Variants in RBFOX2 observed in about 807,000 individuals in gnomAD.
RBFOX2 encodes RNA binding fox-1 homolog 2, also known as RNA binding protein fox-1 homolog 2.
A neutral mutation model predicts 49.1 loss-of-function variants in RBFOX2; 10 were observed. The observed-to-expected ratio is 0.20, with a 90% confidence interval of 0.13 to 0.35. RBFOX2 has a LOEUF of 0.35. Among genes scored for constraint, RBFOX2 ranks in the 10% least tolerant of loss-of-function variants. The pLI is 1.00. For synonymous variants in RBFOX2, 183 were observed against 187.4 expected (o/e 0.98, Z 0.19); for missense variants, 323 against 486.9 (o/e 0.66, Z 3.17).
At chr22:35,904,102 C>G (rs1285348813) in intron 1 of RBFOX2, among the ~76,000 whole-genome samples, 3 of 152,144 alleles carry the variant, frequency 2.0e-5, no homozygotes, top group Non-Finnish European at 4.4e-5. Flanking sequence ...TTAATTCCCT[C>G]TTTCTGAAAT....
At chr22:35,940,494 G>A (rs900199313), upstream of RBFOX2, among the ~76,000 whole-genome samples, 1 of 152,176 alleles carries the variant, frequency 6.6e-6, no homozygotes, top group Non-Finnish European at 1.5e-5. Context: ...CACTGCGGGT[G>A]GGAATGTAAA....
At chr22:35,787,135 G>A (rs1220334982) in intron 2 of RBFOX2, among the ~76,000 whole-genome samples, 3 of 152,086 alleles carry the variant, frequency 2.0e-5, no homozygotes, top group Non-Finnish European at 4.4e-5. Flanking sequence ...CACCTTCTGG[G>A]TTCAACTGAT....
chr22:35,807,274 G>C (rs1950928437), intron 2 of RBFOX2, among the ~76,000 whole-genome samples: 1 of 152,074 alleles, frequency 6.6e-6, no homozygotes, highest in Non-Finnish European at 1.5e-5. Context: ...CCAAGAAATA[G>C]TAAAAGAGAC....
At chr22:35,828,765 C>T (rs918763678) in intron 1 of RBFOX2, among the ~76,000 whole-genome samples, 1 of 152,046 alleles carries the variant, frequency 6.6e-6, no homozygotes, top group Non-Finnish European at 1.5e-5. Flanking sequence ...AAAAACAAGA[C>T]CTGAGGTCGG....
chr22:35,750,816 T>G (rs1934626220), intron 9 of RBFOX2, among the ~76,000 whole-genome samples: 1 of 152,248 alleles, frequency 6.6e-6, no homozygotes, highest in Non-Finnish European at 1.5e-5. Flanking sequence ...CTAAAATATT[T>G]CCTGTGTTTA....
intron 5 of RBFOX2, among the ~76,000 whole-genome samples, chr22:35,765,740 T>C (rs1214370097): frequency 1.3e-5 from 2 of 152,092 alleles, no homozygotes; most frequent in African/African-American, 2.4e-5. Flanking sequence ...ATTTGCAAGA[T>C]CTTTGGACAT....
intron 1 of RBFOX2, among the ~76,000 whole-genome samples, chr22:35,980,385 G>A (rs1428609017): frequency 6.6e-6 from 1 of 152,158 alleles, no homozygotes; most frequent in Non-Finnish European, 1.5e-5. Context: ...TGGTTGTGGT[G>A]AGATTAGAAC....
intron 1 of RBFOX2, among the ~76,000 whole-genome samples, chr22:35,936,112 T>G (rs562543327): frequency 6.6e-6 from 1 of 151,682 alleles, no homozygotes; most frequent in Non-Finnish European, 1.5e-5. Flanking sequence ...CTCAGGAGGC[T>G]GAGGTGGGAG....
chr22:35,880,977 T>C (rs2045804961), intron 1 of RBFOX2, among the ~76,000 whole-genome samples: 1 of 152,098 alleles, frequency 6.6e-6, no homozygotes, highest in Non-Finnish European at 1.5e-5. Flanking sequence ...TGCATGAAAC[T>C]TTGACAGCTG....
At chr22:35,957,443 T>A (rs1343217766) in intron 1 of RBFOX2, among the ~76,000 whole-genome samples, 1 of 152,186 alleles carries the variant, frequency 6.6e-6, no homozygotes, top group Non-Finnish European at 1.5e-5. Context: ...ACTTGCACCC[T>A]CCTTACCTTG....
chr22:35,825,609 C>T (rs1219724258), intron 1 of RBFOX2, among the ~76,000 whole-genome samples: 2 of 152,108 alleles, frequency 1.3e-5, no homozygotes, highest in African/African-American at 2.4e-5. Flanking sequence ...AGATGAGTAA[C>T]TTAAGCTCTC....
intron 1 of RBFOX2, among the ~76,000 whole-genome samples, chr22:35,851,951 A>T (rs966209284): frequency 7.2e-5 from 11 of 152,096 alleles, no homozygotes; most frequent in African/African-American, 2.7e-4. Context: ...AACATTTCAG[A>T]TGTGCTTTGC....
At chr22:35,822,227 G>A (rs1214003544) in intron 1 of RBFOX2, among the ~76,000 whole-genome samples, 1 of 152,152 alleles carries the variant, frequency 6.6e-6, no homozygotes. Context: ...TACTTTTTGG[G>A]AGCATCTCCA....
upstream of RBFOX2, among the ~76,000 whole-genome samples, chr22:35,842,979 AC>A (rs1333104998): frequency 1.3e-5 from 2 of 152,182 alleles, no homozygotes; most frequent in Non-Finnish European, 2.9e-5. Context: ...AAGAATTGGT[AC>A]AAGCTTAAAA....
At chr22:35,739,173 C>G (rs1210391383) in exon 12 of RBFOX2, 1 of 152,864 alleles carries the variant, frequency 6.5e-6, no homozygotes, top group African/African-American at 2.4e-5. Flanking sequence ...CATGTAATGC[C>G]CCCATGCCCC....
At chr22:35,897,968 CA>C in intron 1 of RBFOX2, 2 of 773,132 alleles carry the variant, frequency 2.6e-6, no homozygotes, top group Non-Finnish European at 4.6e-6. Flanking sequence ...GGAATCTTCA[CA>C]AAAACATCCT....
chr22:35,768,775 C>G (rs1941800260), intron 4 of RBFOX2, among the ~76,000 whole-genome samples: 1 of 152,110 alleles, frequency 6.6e-6, no homozygotes, highest in African/African-American at 2.4e-5. Flanking sequence ...TCTGACATCC[C>G]AAATCTATTA....
intron 1 of RBFOX2, among the ~76,000 whole-genome samples, chr22:35,933,701 C>T (rs2149699048): frequency 6.6e-6 from 1 of 152,050 alleles, no homozygotes; most frequent in South Asian, 2.1e-4. Flanking sequence ...CTCTTTTAAT[C>T]AATTAACTTG....
intron 1 of RBFOX2, among the ~76,000 whole-genome samples, chr22:35,986,458 G>A (rs1442237400): frequency 6.6e-6 from 1 of 152,190 alleles, no homozygotes; most frequent in Admixed American, 6.5e-5. Flanking sequence ...TGCTGTGGAG[G>A]TGGGAGAAGG....
Sources: gnomAD v4.1 joint callset for allele counts (sites outside exome capture counted in the v4.1 genomes callset) on GRCh38, gnomAD v4.1.1 for gene constraint, MANE v1.5 for transcripts, NCBI Gene and HGNC (gene_info 2026-07-23, HGNC 2026-07-21) for gene names.